The following HECW2 variants were observed in gnomAD, a reference collection of about 807,000 sequenced individuals.
HECW2 encodes HECT, C2 and WW domain containing E3 ubiquitin protein ligase 2, also known as E3 ubiquitin-protein ligase HECW2.
HECW2 carries 61 observed loss-of-function variants against 175.2 expected under a neutral mutation model. The observed-to-expected ratio is 0.35, with a 90% confidence interval of 0.28 to 0.43. The LOEUF (loss-of-function observed/expected upper bound fraction) is 0.43. Ranked by LOEUF, HECW2 falls within the 20% of genes least tolerant of loss-of-function variation. The probability of loss-of-function intolerance (pLI) is 1.00; values close to 1 mark genes in which losing one functional copy is unlikely to be tolerated. For synonymous variants in HECW2, 671 were observed against 731.0 expected (o/e 0.92, Z 1.32); for missense variants, 1,524 against 2,000.5 (o/e 0.76, Z 4.54).
At chr2:196,542,265 G>GAA (rs1181642124) in intron 1 of HECW2, among the ~76,000 whole-genome samples, 5 of 92,308 alleles carry the variant, frequency 5.4e-5, no homozygotes, top group Admixed American at 1.2e-4. Flanking sequence ...CTCTGTCTCA[G>GAA]AAAAAAAAAA....
chr2:196,229,083 T>C (rs1687954391), intron 21 of HECW2, among the ~76,000 whole-genome samples: 1 of 152,096 alleles, frequency 6.6e-6, no homozygotes, highest in African/African-American at 2.4e-5. Context: ...CAATGTGATG[T>C]GCTAAATTTA....
chr2:196,497,677 T>C (rs1687444229), intron 1 of HECW2, among the ~76,000 whole-genome samples: 1 of 152,150 alleles, frequency 6.6e-6, no homozygotes, highest in Non-Finnish European at 1.5e-5. Flanking sequence ...AGGCGTGTCA[T>C]AGAAACTAGA....
chr2:196,377,476 T>A (rs1207135682), intron 2 of HECW2, among the ~76,000 whole-genome samples: 1 of 152,142 alleles, frequency 6.6e-6, no homozygotes, highest in African/African-American at 2.4e-5. Context: ...ACGTCTTACA[T>A]GGTAGCAGGC....
At chr2:196,327,817 T>C (rs147097112) in intron 5 of HECW2, among the ~76,000 whole-genome samples, 2 of 152,302 alleles carry the variant, frequency 1.3e-5, no homozygotes, top group East Asian at 3.9e-4. Context: ...TTGGAAGAAA[T>C]GTGTAAGGAA....
At chr2:196,375,871 T>G (rs1481418954) in intron 2 of HECW2, among the ~76,000 whole-genome samples, 1 of 152,238 alleles carries the variant, frequency 6.6e-6, no homozygotes, top group Non-Finnish European at 1.5e-5. Flanking sequence ...TGCCATACAT[T>G]TTTCCAAGGC....
chr2:196,430,372 A>C (rs1695674014), intron 2 of HECW2, among the ~76,000 whole-genome samples: 1 of 152,194 alleles, frequency 6.6e-6, no homozygotes, highest in Admixed American at 6.5e-5. Context: ...TATCCAGTGT[A>C]AAATCAAAAA....
intron 1 of HECW2, among the ~76,000 whole-genome samples, chr2:196,444,107 C>G (rs1696115929): frequency 1.3e-5 from 2 of 152,152 alleles, no homozygotes; most frequent in African/African-American, 4.8e-5. Flanking sequence ...ACATTCATTC[C>G]TTTTGAAAGA....
chr2:196,532,608 C>T (rs986314268), intron 1 of HECW2, among the ~76,000 whole-genome samples: 6 of 151,878 alleles, frequency 4.0e-5, no homozygotes, highest in Non-Finnish European at 7.4e-5. Context: ...GCACATGTAG[C>T]CCAGAACTTA....
intron 2 of HECW2, among the ~76,000 whole-genome samples, chr2:196,426,152 GT>G (rs904035211): frequency 4.6e-5 from 7 of 152,028 alleles, no homozygotes; most frequent in South Asian, 2.1e-4. Flanking sequence ...ATGTACATCA[GT>G]TTTTTTTAGA....
intron 1 of HECW2, among the ~76,000 whole-genome samples, chr2:196,529,186 C>T (rs911669390): frequency 6.6e-6 from 1 of 152,198 alleles, no homozygotes; most frequent in African/African-American, 2.4e-5. Context: ...ACTCAAAGGA[C>T]TTCTGGCTCT....
chr2:196,228,375 G>A, intron 21 of HECW2, 121 bp from the exon 22 acceptor site: 1 of 881,106 alleles, frequency 1.1e-6, no homozygotes, highest in South Asian at 1.8e-5. Flanking sequence ...CCACATGCCA[G>A]AGCTGTCCAA....
chr2:196,246,081 A>C (rs1268447775), intron 19 of HECW2, among the ~76,000 whole-genome samples: 3 of 152,248 alleles, frequency 2.0e-5, no homozygotes, highest in Non-Finnish European at 2.9e-5. Context: ...GGCAGCATCC[A>C]GGGACTAACA....
intron 3 of HECW2, among the ~76,000 whole-genome samples, chr2:196,337,569 A>AT (rs1491216368): frequency 3.5e-5 from 1 of 28,974 alleles, no homozygotes; most frequent in Non-Finnish European, 1.5e-4. Flanking sequence ...GGAAAAAAAT[A>AT]AAAAAATATA....
intron 26 of HECW2, chr2:196,218,365 G>A (rs995372706): frequency 3.9e-5 from 6 of 152,132 alleles, no homozygotes; most frequent in African/African-American, 1.2e-4. Context: ...CATGGCAGCT[G>A]AGGTTCTCAG....
chr2:196,454,145 A>AAAC (rs1278636363), intron 1 of HECW2, among the ~76,000 whole-genome samples: 1 of 152,092 alleles, frequency 6.6e-6, no homozygotes, highest in Non-Finnish European at 1.5e-5. Flanking sequence ...TTTTTAGTAG[A>AAAC]AACAGGGTTC....
At chr2:196,427,653 G>T (rs1695586892) in intron 2 of HECW2, among the ~76,000 whole-genome samples, 1 of 152,046 alleles carries the variant, frequency 6.6e-6, no homozygotes, top group Non-Finnish European at 1.5e-5. Context: ...AATTTGTGAG[G>T]AATCAATTCT....
intron 17 of HECW2, among the ~76,000 whole-genome samples, chr2:196,269,855 T>A (rs1049258113): frequency 7.9e-5 from 12 of 152,164 alleles, no homozygotes; most frequent in Non-Finnish European, 1.5e-4. Flanking sequence ...GCCATCAGAA[T>A]TATACAGAGA....
At chr2:196,301,716 A>C (rs1295677966) in intron 13 of HECW2, among the ~76,000 whole-genome samples, 1 of 141,492 alleles carries the variant, frequency 7.1e-6, no homozygotes, top group African/African-American at 2.7e-5. Context: ...CCCACTTTTT[A>C]ATGGGATTGT....
chr2:196,450,271 A>C (rs953128596), intron 1 of HECW2, among the ~76,000 whole-genome samples: 1 of 152,226 alleles, frequency 6.6e-6, no homozygotes, highest in Admixed American at 6.5e-5. Context: ...AAAGAATCTG[A>C]GTTGACCGAT....
Sources: allele counts gnomAD v4.1 joint callset (sites outside exome capture counted in the v4.1 genomes callset), GRCh38; gene constraint gnomAD v4.1.1; transcripts MANE v1.5; gene names NCBI Gene and HGNC (gene_info 2026-07-23, HGNC 2026-07-21).